Variants in OPCML observed in about 807,000 individuals in gnomAD.
OPCML encodes the protein opioid binding protein/cell adhesion molecule like, also known as opioid-binding protein/cell adhesion molecule.
Under a neutral mutation model 37.8 loss-of-function variants are expected in OPCML, and 13 were observed. That is an observed-to-expected ratio of 0.34 (90% CI 0.22 to 0.55). The LOEUF (loss-of-function observed/expected upper bound fraction) is 0.55, where lower values mean the gene tolerates loss of function less well. OPCML is among the 20% of genes least tolerant of loss of function. OPCML has a pLI of 0.91. For missense variants in OPCML, 341 were observed against 435.6 expected, an observed-to-expected ratio of 0.78 and a Z score of 1.93; for synonymous variants, 176 against 168.8, an observed-to-expected ratio of 1.04 and a Z score of -0.33.
intron 2 of OPCML, among the ~76,000 whole-genome samples, chr11:132,744,949 G>A (rs1181691742): frequency 6.6e-6 from 1 of 152,002 alleles, no homozygotes; most frequent in Non-Finnish European, 1.5e-5. Flanking sequence ...AGCTCATCAA[G>A]GAAGTGAACG....
rs201857874 is a variant in OPCML, at chr11:133,080,353, G to A, written c.62-137343C>T. 1.6e-4 allele frequency among the ~76,000 whole-genome samples: 25 copies of A among 152,284 alleles called. 1 individual carries two copies. The East Asian group carries it at 4.6e-3, about 28-fold the overall frequency. On this transcript the variant is annotated intron_variant, in intron 1 of 7. Coordinates refer to ENST00000524381, the MANE Select transcript of OPCML (RefSeq NM_001012393.5). Reference sequence around the variant, plus strand: ...CAACAAGCTCTCATGACACTACTGCGGCCGGTGTGTGGCCCACACGGTGAG... The same window carrying A: ...CAACAAGCTCTCATGACACTACTGCAGCCGGTGTGTGGCCCACACGGTGAG...
intron 2 of OPCML, among the ~76,000 whole-genome samples, chr11:132,896,622 G>A (rs1223607787): frequency 1.3e-5 from 2 of 152,308 alleles, no homozygotes; most frequent in East Asian, 1.9e-4. Flanking sequence ...TTACATCAGA[G>A]ATATATCAAC....
At chr11:133,442,116 C>T (rs758609599) in intron 1 of OPCML, among the ~76,000 whole-genome samples, 35 of 152,278 alleles carry the variant, frequency 2.3e-4, no homozygotes, top group Admixed American at 1.6e-3. Context: ...AGAAAGGAGA[C>T]GTTGCCTAGA....
At chr11:132,880,719 A>C (rs774692597) in intron 2 of OPCML, among the ~76,000 whole-genome samples, 4 of 152,268 alleles carry the variant, frequency 2.6e-5, no homozygotes, top group Non-Finnish European at 5.9e-5. Flanking sequence ...ATTACTACCA[A>C]ATTACTAACC....
intron 2 of OPCML, among the ~76,000 whole-genome samples, chr11:132,793,975 CT>C (rs1267925682): frequency 3.3e-5 from 5 of 152,238 alleles, no homozygotes; most frequent in Non-Finnish European, 7.3e-5. Context: ...AAGACGGCTA[CT>C]GCCCAAGCCA....
chr11:132,502,757 G>A (rs1431488829), intron 4 of OPCML, among the ~76,000 whole-genome samples: 2 of 152,178 alleles, frequency 1.3e-5, no homozygotes, highest in African/African-American at 2.4e-5. Context: ...TTAAGTAGCA[G>A]TAAAATGTAA....
At chr11:133,411,542 T>C (rs1945652411) in intron 1 of OPCML, among the ~76,000 whole-genome samples, 1 of 152,160 alleles carries the variant, frequency 6.6e-6, no homozygotes, top group Admixed American at 6.5e-5. Context: ...ACAGTGGCCC[T>C]CACACAGTTC....
chr11:132,627,481 GCA>G, intron 3 of OPCML, among the ~76,000 whole-genome samples: 1 of 152,322 alleles, frequency 6.6e-6, no homozygotes, highest in East Asian at 1.9e-4. Context: ...CTCTGCACTT[GCA>G]CAGTTTACAC....
chr11:132,620,694 T>C (rs1939346292), intron 3 of OPCML, among the ~76,000 whole-genome samples: 1 of 152,216 alleles, frequency 6.6e-6, no homozygotes, highest in African/African-American at 2.4e-5. Context: ...TTGGAATCAT[T>C]GGTTCTCAGA....
At chr11:132,818,147 A>G (rs934637327) in intron 2 of OPCML, among the ~76,000 whole-genome samples, 3 of 152,180 alleles carry the variant, frequency 2.0e-5, no homozygotes, top group African/African-American at 4.8e-5. Flanking sequence ...CCAACCATTC[A>G]CAGATGAAAC....
chr11:133,328,261 G>A (rs568987975), intron 1 of OPCML, among the ~76,000 whole-genome samples: 200 of 151,418 alleles, frequency 1.3e-3, no homozygotes, highest in Admixed American at 3.0e-3. Context: ...AAGGTCAAGC[G>A]ATTCTCCTGC....
At position 132,943,344 on chromosome 11, in the gene OPCML, C is replaced by T. The variant is rs921615883; in HGVS notation, c.62-334G>A. ...ATCCAAAAAGAGCTTTCTTGACGCT[C>T]CCCTGGGGAGGAGGGAGGCGGCCAG... On this transcript the variant is annotated intron_variant, in intron 1 of 7. Coordinates refer to ENST00000524381, the MANE Select transcript of OPCML (RefSeq NM_001012393.5). This position sits in a 1 kb window ranked among gnomAD's most constrained non-coding sequence, Gnocchi z 4.3. 2.5e-5 allele frequency: 14 copies of T among 560,144 alleles called. No individual in the cohort carries two copies. Among genetic ancestry groups the T allele is most frequent in the African/African-American group, 2.4e-4 (13 of 53,354 alleles). 34.7% of individuals were successfully genotyped at this position (560,144 alleles called of 1,614,324 possible). A position where few individuals can be genotyped will look rare whatever the true frequency, so the allele number is the denominator to read the frequency against.
At chr11:133,215,859 C>T (rs1330935290) in intron 1 of OPCML, among the ~76,000 whole-genome samples, 1 of 152,208 alleles carries the variant, frequency 6.6e-6, no homozygotes, top group African/African-American at 2.4e-5. Flanking sequence ...GCACAAGCCG[C>T]TAAATGAAGC....
chr11:132,642,523 T>A (rs75043012), intron 3 of OPCML, among the ~76,000 whole-genome samples: 5,172 of 152,322 alleles, frequency 0.034, 111 homozygotes, highest in Middle Eastern at 0.061. Context: ...TCAAAACTTA[T>A]GATGCCAATG....
intron 1 of OPCML, chr11:133,024,449 A>G (rs1280679009): frequency 1.0e-6 from 1 of 984,356 alleles, no homozygotes; most frequent in Non-Finnish European, 1.2e-6. Context: ...CAGGAAGAAG[A>G]GAAGCAGCTG....
rs145016188 is a variant in OPCML, at chr11:132,971,356, C to T, written c.62-28346G>A. Among the ~76,000 whole-genome samples, 1,255 of 152,282 alleles carry T rather than the reference C, an allele frequency of 8.2e-3. 12 individuals are homozygous for T. Among genetic ancestry groups the T allele is most frequent in the African/African-American group, 0.029 (1,207 of 41,550 alleles). ...TTTTTGCTTTCCACTAAGTAATGAG[C>T]ATGTTTCTAACATGCTAAAATGAAC... On this transcript the variant is annotated intron_variant, in intron 1 of 7. Transcript: ENST00000524381.
At chr11:132,850,046 A>G (rs2136325812) in intron 2 of OPCML, among the ~76,000 whole-genome samples, 1 of 152,316 alleles carries the variant, frequency 6.6e-6, no homozygotes, top group East Asian at 1.9e-4. Flanking sequence ...AAGGATGGGA[A>G]AGACAAACTT....
chr11:133,374,510 G>A lies in OPCML; in HGVS notation c.61+157754C>T, dbSNP rs183777100. The stretch of plus-strand genomic sequence containing the variant: ...ATATAAAGCTTGTTTAGAAATGGGA[G>A]GAAAATGCTGTGGGGAGCATTCTTG... On this transcript the variant is annotated intron_variant, in intron 1 of 7. Coordinates refer to ENST00000524381, the MANE Select transcript of OPCML (RefSeq NM_001012393.5). Among the ~76,000 whole-genome samples the A allele has an allele frequency of 3.2e-3, 493 of 152,292 alleles. 2 individuals are homozygous for A. Among genetic ancestry groups the A allele is most frequent in the African/African-American group, 0.01 (435 of 41,556 alleles).
Position 132,437,085 on chromosome 11 carries a change from G to T in OPCML, c.643+137C>A, listed in dbSNP as rs920555362. On this transcript the variant is annotated intron_variant, in intron 5 of 7. Coordinates refer to ENST00000524381, the MANE Select transcript of OPCML (RefSeq NM_001012393.5). ...ACAAATGGCACGGAGGCCATGGTGG[G>T]CAAAGCCATCTGATGAAGTATTTTC... The T allele has an allele frequency of 7.1e-6, 10 of 1,415,240 alleles. 2 individuals carry two copies. Among genetic ancestry groups the T allele is most frequent in the Admixed American group, 2.3e-5 (1 of 44,130 alleles). The allele number at this position is 1,415,240 out of a possible 1,614,324, so 87.7% of individuals were successfully genotyped here.
Sources: allele counts gnomAD v4.1 joint callset (sites outside exome capture counted in the v4.1 genomes callset), GRCh38; gene constraint gnomAD v4.1.1; non-coding constraint Gnocchi (gnomAD v3.1); transcripts MANE v1.5; gene names NCBI Gene and HGNC (gene_info 2026-07-23, HGNC 2026-07-21).